The following CEP55 variants were observed in gnomAD, a reference collection of about 807,000 sequenced individuals.
CEP55 encodes the protein centrosomal protein of 55 kDa.
CEP55 carries 57 observed loss-of-function variants against 63.2 expected under a neutral mutation model. That is an observed-to-expected ratio of 0.90 (90% CI 0.73 to 1.13). The LOEUF (loss-of-function observed/expected upper bound fraction) is 1.13. Ranked by LOEUF, CEP55 falls within the 50% of genes most tolerant of loss-of-function variation. The pLI, the probability that CEP55 is intolerant of heterozygous loss-of-function variation, is 0.00. For missense variants in CEP55, 456 were observed against 518.9 expected, an observed-to-expected ratio of 0.88 and a Z score of 1.18; for synonymous variants, 178 against 191.6, an observed-to-expected ratio of 0.93 and a Z score of 0.59.
At chr10:93,525,940 G>A (rs1361795659) in intron 8 of CEP55, among the ~76,000 whole-genome samples, 3 of 152,174 alleles carry the variant, frequency 2.0e-5, no homozygotes, top group Non-Finnish European at 4.4e-5. Context: ...ATTAATTCAA[G>A]ATGGATTAAA....
In CEP55 at chr10:93,503,224, A is replaced by T; in HGVS notation, c.295A>T (p.Thr99Ser). Residue 99 changes from threonine (T) to serine (S), a missense_variant, in exon 3 of 9, where the codon ACA becomes TCA. Thr to Ser is a moderately conservative substitution (Grantham distance 58). Transcript: ENST00000371485. ...ACTGAAGGCCAGATATAGTACTACC[A>T]CATTGCTTGAACAGCTGGAAGAGAC... is the stretch of plus-strand genomic sequence containing the variant. The part of the protein sequence containing the change: ...DQLKARYSTT[T>S]LLEQLEETTR... 1.2e-6 allele frequency: 2 copies of T among 1,614,084 alleles called. No individual in the cohort carries two copies. The highest frequency in any genetic ancestry group is 1.7e-6 in the Non-Finnish European group (2 of 1,180,006).
At chr10:93,497,434 T>C (rs2057583372) in intron 1 of CEP55, among the ~76,000 whole-genome samples, 1 of 151,954 alleles carries the variant, frequency 6.6e-6, no homozygotes, top group South Asian at 2.1e-4. Flanking sequence ...CCCGGTTAAT[T>C]TTTGTATTTT....
At chr10:93,526,948 G>A (rs1286485694) in intron 8 of CEP55, among the ~76,000 whole-genome samples, 1 of 152,060 alleles carries the variant, frequency 6.6e-6, no homozygotes, top group Admixed American at 6.6e-5. Flanking sequence ...TGGGGGGAGT[G>A]GGGAGGGATA....
intron 8 of CEP55, among the ~76,000 whole-genome samples, chr10:93,526,944 G>A (rs527283450): frequency 1.3e-5 from 2 of 152,192 alleles, no homozygotes; most frequent in South Asian, 4.2e-4. Context: ...GGGGTGGGGG[G>A]AGTGGGGAGG....
At chr10:93,521,725 C>T (rs967528957) in intron 8 of CEP55, among the ~76,000 whole-genome samples, 9 of 152,132 alleles carry the variant, frequency 5.9e-5, no homozygotes, top group South Asian at 2.1e-4. Context: ...CTCACACAGC[C>T]GGGTACCCCT....
intron 8 of CEP55, among the ~76,000 whole-genome samples, chr10:93,524,186 C>A (rs902926417): frequency 2.0e-5 from 3 of 151,134 alleles, no homozygotes; most frequent in African/African-American, 7.4e-5. Context: ...AATTGATAGA[C>A]CGCTAGCAAG....
chr10:93,497,739 T>A (rs933848626), intron 1 of CEP55, among the ~76,000 whole-genome samples: 8 of 151,512 alleles, frequency 5.3e-5, no homozygotes, highest in African/African-American at 1.9e-4. Context: ...GGGGCAGCTA[T>A]ATCGTTTGTT....
chr10:93,523,190 A>T (rs2057881837), intron 8 of CEP55, among the ~76,000 whole-genome samples: 1 of 152,170 alleles, frequency 6.6e-6, no homozygotes, highest in Admixed American at 6.5e-5. Context: ...TATTCAGGAA[A>T]CCCATCTCAC....
At chr10:93,510,584 T>C (rs996397902) in intron 4 of CEP55, 2 of 152,192 alleles carry the variant, frequency 1.3e-5, no homozygotes, top group African/African-American at 4.8e-5. Flanking sequence ...CTTCAATGTG[T>C]GTTTGTTCTC....
chr10:93,515,354 A>G, intron 4 of CEP55, 51 bp from the exon 5 acceptor site: 2 of 1,535,426 alleles, frequency 1.3e-6, no homozygotes, highest in Non-Finnish European at 1.8e-6. Context: ...GCCCATTTTA[A>G]GATTTTGTTT....
In CEP55 at chr10:93,517,088, A is replaced by G. The variant is rs1354031180; in HGVS notation, c.833A>G (p.Asn278Ser). Residue 278 changes from asparagine to serine, a missense_variant, in exon 6 of 9, where the codon AAT becomes AGT. Coordinates refer to ENST00000371485, the MANE Select transcript of CEP55 (RefSeq NM_018131.5). ...KYEETQKEVH[N>S]LNQLLYSQRR... ...GAAGAAACCCAAAAAGAAGTTCACA[A>G]TTTAAATCAGCTGTTGTATTCACAA... is the stretch of plus-strand genomic sequence containing the variant. The G allele has an allele frequency of 3.1e-6, 5 of 1,614,140 alleles. No homozygotes were observed. The highest frequency in any genetic ancestry group is 1.7e-5 in the Admixed American group (1 of 60,032).
chr10:93,517,316 AC>A, intron 6 of CEP55, 68 bp downstream of exon 6: 1 of 1,315,200 alleles, frequency 7.6e-7, no homozygotes, highest in Non-Finnish European at 1.0e-6. Flanking sequence ...GGACTATTTG[AC>A]CACTAGAGAA....
Position 93,507,042 on chromosome 10 carries a change from A to G in CEP55, c.514A>G (p.Ile172Val), listed in dbSNP as rs62642532. ...AATAAATAATATTCATGAAATGGAA[A>G]TACAGCTGAAAGATGTAAGTTCATT... ...SSINNIHEME[I>V]QLKDALEKNQ... Residue 172 changes from isoleucine (I) to valine (V), a missense_variant, in exon 4 of 9, where the codon ATA (isoleucine) becomes GTA (valine). Transcript: ENST00000371485. 1,828 of 1,562,738 alleles carry G rather than the reference A, an allele frequency of 1.2e-3. 28 individuals carry two copies. In the African/African-American group the frequency reaches 0.022, roughly 19 times the overall value.
Position 93,519,726 on chromosome 10 carries a change from T to C in CEP55, c.1110T>C (p.Arg370=), listed in dbSNP as rs2057838857. ...ACTTTGAAAATGAAAAACTCGACCG[T>C]CAACATGTGCAGCATCAATTGCATG... ...TLDFENEKLD[R]QHVQHQLHVI... Residue 370 remains arginine (R), a synonymous_variant, in exon 8 of 9, where the codon CGT becomes CGC. Transcript: ENST00000371485. The C allele has an allele frequency of 6.2e-7, 1 of 1,614,124 alleles. No individual in the cohort carries two copies.
intron 8 of CEP55, among the ~76,000 whole-genome samples, chr10:93,520,974 G>T (rs913434583): frequency 2.0e-5 from 3 of 152,128 alleles, no homozygotes; most frequent in Non-Finnish European, 4.4e-5. Context: ...GTAATTTTGT[G>T]GGGGCGGTTC....
At chr10:93,514,141 C>T (rs1382603754) in intron 4 of CEP55, among the ~76,000 whole-genome samples, 1 of 152,074 alleles carries the variant, frequency 6.6e-6, no homozygotes, top group Non-Finnish European at 1.5e-5. Context: ...CCATGTTGGC[C>T]AGGCTGGTCT....
chr10:93,517,180 G>T lies in CEP55; in HGVS notation c.925G>T (p.Glu309Ter). ...AACAGAGAAGATACAAAAACTCAGGGAAGAGAATGATATTGCTAGGGGAAA... is the reference window on the plus strand; with the variant it reads ...AACAGAGAAGATACAAAAACTCAGGTAAGAGAATGATATTGCTAGGGGAAA... ...HKTEKIQKLR[E>*]ENDIARGKLE... The change falls in exon 6 of 9, where the codon GAA (glutamate) becomes TAA (stop). Residue 309 changes from glutamate (E) to a stop codon, truncating the protein, a stop_gained. Transcript: ENST00000371485. LOFTEE classifies it high-confidence loss of function. 1 of 1,613,506 alleles carries T rather than the reference G, an allele frequency of 6.2e-7. No individual in the cohort carries two copies. The highest frequency in any genetic ancestry group is 8.5e-7 in the Non-Finnish European group (1 of 1,179,784).
intron 8 of CEP55, among the ~76,000 whole-genome samples, chr10:93,524,385 C>T (rs1257193057): frequency 6.6e-6 from 1 of 151,994 alleles, no homozygotes; most frequent in Non-Finnish European, 1.5e-5. Flanking sequence ...CAAGACTAAA[C>T]CAGGAAGAAG....
chr10:93,523,971 C>T (rs1302766862), intron 8 of CEP55, among the ~76,000 whole-genome samples: 1 of 152,052 alleles, frequency 6.6e-6, no homozygotes, highest in East Asian at 1.9e-4. Flanking sequence ...GCACTAAATG[C>T]CCACAAGAGA....
Sources: gnomAD v4.1 joint callset for allele counts (sites outside exome capture counted in the v4.1 genomes callset) on GRCh38, gnomAD v4.1.1 for gene constraint, MANE v1.5 for transcripts, NCBI Gene and HGNC (gene_info 2026-07-23, HGNC 2026-07-21) for gene names.